ADAMTS17: variants seen among roughly 807,000 people sequenced by gnomAD.
ADAMTS17 encodes A disintegrin and metalloproteinase with thrombospondin motifs 17.
In ADAMTS17, 113 loss-of-function variants were observed where a neutral mutation model predicts 141.5. The ratio of observed to expected loss-of-function variants is 0.80; its 90% CI spans 0.69 to 0.93. The LOEUF (loss-of-function observed/expected upper bound fraction) is 0.93. ADAMTS17 is among the 40% of genes least tolerant of loss of function. ADAMTS17 has a pLI of 0.00. For missense variants in ADAMTS17, 1,659 were observed against 1,517.9 expected (o/e 1.09, Z -1.54); for synonymous variants, 768 against 630.6 (o/e 1.22, Z -3.27).
chr15:100,170,197 C>T (rs2040108622), intron 8 of ADAMTS17, among the ~76,000 whole-genome samples: 1 of 152,158 alleles, frequency 6.6e-6, no homozygotes, highest in Admixed American at 6.5e-5. Flanking sequence ...TTCATCCGTC[C>T]TCCCCTTTTA....
chr15:100,283,306 G>A (rs1482079869), intron 3 of ADAMTS17, among the ~76,000 whole-genome samples: 1 of 152,324 alleles, frequency 6.6e-6, no homozygotes, highest in African/African-American at 2.4e-5. Flanking sequence ...GGTCCTAGGT[G>A]GCTGTGCCTT....
chr15:100,086,618 T>C (rs2035118598), intron 15 of ADAMTS17, among the ~76,000 whole-genome samples: 1 of 152,164 alleles, frequency 6.6e-6, no homozygotes. Flanking sequence ...TCAGCAAATG[T>C]AAAACAACAG....
intron 3 of ADAMTS17, among the ~76,000 whole-genome samples, chr15:100,322,719 A>T (rs1466144919): frequency 6.6e-6 from 1 of 152,208 alleles, no homozygotes; most frequent in African/African-American, 2.4e-5. Context: ...AAAGACAGGA[A>T]ATTGCAGCAG....
chr15:100,236,908 G>A (rs1017440221), intron 7 of ADAMTS17, among the ~76,000 whole-genome samples: 1 of 152,134 alleles, frequency 6.6e-6, no homozygotes, highest in African/African-American at 2.4e-5. Context: ...AACAGAGCCA[G>A]GAATGGGTCT....
At chr15:100,030,089 C>T (rs552145567) in intron 18 of ADAMTS17, among the ~76,000 whole-genome samples, 1 of 152,304 alleles carries the variant, frequency 6.6e-6, no homozygotes, top group South Asian at 2.1e-4. Flanking sequence ...CCCCAGATCA[C>T]CCTTTGTCCT....
chr15:100,200,299 G>A (rs898171472), intron 7 of ADAMTS17, among the ~76,000 whole-genome samples: 2 of 152,160 alleles, frequency 1.3e-5, no homozygotes, highest in African/African-American at 2.4e-5. Flanking sequence ...GGGGAAGAAT[G>A]TGGCTTTGGC....
intron 7 of ADAMTS17, among the ~76,000 whole-genome samples, chr15:100,235,279 G>A (rs775209377): frequency 5.6e-4 from 86 of 152,272 alleles, no homozygotes; most frequent in Non-Finnish European, 1.0e-3. Context: ...TAGGGCTGGT[G>A]GCAGGCAAGG....
intron 8 of ADAMTS17, among the ~76,000 whole-genome samples, chr15:100,194,784 G>C (rs1358112118): frequency 6.6e-6 from 1 of 152,156 alleles, no homozygotes; most frequent in African/African-American, 2.4e-5. Flanking sequence ...AAACCCTGGG[G>C]CGTGTCATCC....
chr15:100,309,542 C>T (rs867249400), intron 3 of ADAMTS17, among the ~76,000 whole-genome samples: 4 of 152,196 alleles, frequency 2.6e-5, no homozygotes, highest in Admixed American at 6.5e-5. Flanking sequence ...CCCTGGCTGC[C>T]GCAGAGTCCT....
At chr15:100,267,465 C>A (rs1194177568) in intron 4 of ADAMTS17, among the ~76,000 whole-genome samples, 1 of 152,148 alleles carries the variant, frequency 6.6e-6, no homozygotes, top group East Asian at 1.9e-4. Flanking sequence ...CTCTTCCAGG[C>A]TCTGCTTTTA....
At chr15:100,205,307 G>A (rs2141674233) in intron 7 of ADAMTS17, among the ~76,000 whole-genome samples, 1 of 152,262 alleles carries the variant, frequency 6.6e-6, no homozygotes, top group South Asian at 2.1e-4. Context: ...AATTGGCCCT[G>A]GGATTTACAA....
At chr15:100,004,129 C>T (rs758120087) in intron 18 of ADAMTS17, among the ~76,000 whole-genome samples, 9 of 152,178 alleles carry the variant, frequency 5.9e-5, no homozygotes, top group Non-Finnish European at 1.3e-4. Context: ...CGCAGGCAGC[C>T]GAAGGGGAGA....
At position 100,087,161 on chromosome 15, in the gene ADAMTS17, C is replaced by T. The variant is rs150684878; in HGVS notation, c.2137+9195G>A. On this transcript the variant is annotated intron_variant, in intron 15 of 21. Coordinates refer to ENST00000268070, the MANE Select transcript of ADAMTS17 (RefSeq NM_139057.4). ...CAATACAAAATGATAAAGGGGATAT[C>T]ACCACTGATCCCACAGAAATACAAA... Among the ~76,000 whole-genome samples, 1,490 of 152,256 alleles carry T rather than the reference C, an allele frequency of 9.8e-3. 29 individuals are homozygous for T. The highest frequency in any genetic ancestry group is 0.035 in the African/African-American group (1,440 of 41,544).
intron 3 of ADAMTS17, among the ~76,000 whole-genome samples, chr15:100,294,351 C>T (rs562917999): frequency 1.4e-4 from 21 of 152,240 alleles, no homozygotes; most frequent in East Asian, 3.9e-4. Context: ...ACTTGCCTTC[C>T]GTATTTCCTA....
At position 99,973,886 on chromosome 15, in the gene ADAMTS17, T is replaced by G; in HGVS notation, c.*516A>C. On this transcript the variant is annotated 3_prime_UTR_variant, in exon 22 of 22. Transcript: ENST00000268070. ...CCTGGTTCTCATGTGGTCAAGAAGGTAGATGGAGAGAAACGTGTGCTAAGC... is the reference window on the plus strand; with the variant it reads ...CCTGGTTCTCATGTGGTCAAGAAGGGAGATGGAGAGAAACGTGTGCTAAGC... 1 of 217,346 alleles carries G rather than the reference T, an allele frequency of 4.6e-6. No homozygotes were observed. The highest frequency in any genetic ancestry group is 7.0e-5 in the South Asian group (1 of 14,264). The allele number at this position is 217,346 out of a possible 1,614,324, so 13.5% of individuals were successfully genotyped here.
chr15:100,091,081 A>T (rs982365443), intron 15 of ADAMTS17, among the ~76,000 whole-genome samples: 16 of 149,980 alleles, frequency 1.1e-4, no homozygotes, highest in South Asian at 8.5e-4. Flanking sequence ...CCCTCTGTCC[A>T]CAAACCGGGG....
chr15:100,239,417 G>A (rs1049601906), intron 7 of ADAMTS17, among the ~76,000 whole-genome samples: 2 of 152,168 alleles, frequency 1.3e-5, no homozygotes, highest in South Asian at 2.1e-4. Context: ...TACCGCAGTC[G>A]ACCCTGCTGA....
At chr15:100,121,823 C>T (rs941385136) in intron 12 of ADAMTS17, among the ~76,000 whole-genome samples, 5 of 151,978 alleles carry the variant, frequency 3.3e-5, no homozygotes, top group Non-Finnish European at 5.9e-5. Context: ...TGATGCATTC[C>T]ACCTCCCTGT....
intron 4 of ADAMTS17, 21 bp from the exon 5 acceptor site, chr15:100,262,456 A>T: frequency 6.2e-7 from 1 of 1,602,430 alleles, no homozygotes. Context: ...AGAAAAAAGA[A>T]ATAAAGATAT....
Sources: gnomAD v4.1 joint callset for allele counts (sites outside exome capture counted in the v4.1 genomes callset) on GRCh38, gnomAD v4.1.1 for gene constraint, MANE v1.5 for transcripts, NCBI Gene and HGNC (gene_info 2026-07-23, HGNC 2026-07-21) for gene names.